Variants in DLG2 observed in about 807,000 individuals in gnomAD.
The protein encoded by DLG2 is discs large MAGUK scaffold protein 2, also known as disks large homolog 2.
In DLG2, 45 loss-of-function variants were observed where a neutral mutation model predicts 132.5. The observed-to-expected ratio is 0.34, with a 90% CI of 0.27 to 0.44. DLG2 has a LOEUF of 0.44. DLG2 is among the 20% of genes least tolerant of loss of function. The pLI is 1.00. For missense variants in DLG2, 1,045 were observed against 1,196.9 expected (o/e 0.87, Z 1.87); for synonymous variants, 424 against 419.6 (o/e 1.01, Z -0.13).
At chr11:83,910,165 C>T (rs116262501) in intron 15 of DLG2, among the ~76,000 whole-genome samples, 2,292 of 152,144 alleles carry the variant, frequency 0.015, 30 homozygotes, top group South Asian at 0.069. Flanking sequence ...GGTGTCAAAC[C>T]TGTAGGAGAA....
intron 15 of DLG2, among the ~76,000 whole-genome samples, chr11:83,909,161 A>G (rs1425143626): frequency 6.6e-6 from 1 of 152,194 alleles, no homozygotes; most frequent in Non-Finnish European, 1.5e-5. Flanking sequence ...AGGTGCTGGA[A>G]TGACAATTGG....
chr11:84,368,282 T>A (rs537963385), intron 7 of DLG2, among the ~76,000 whole-genome samples: 301 of 151,934 alleles, frequency 2.0e-3, no homozygotes, highest in Admixed American at 3.2e-3. Context: ...TTATTTTAGC[T>A]TTTTTTTCCC....
At chr11:83,998,906 G>A (rs2094189259) in intron 11 of DLG2, among the ~76,000 whole-genome samples, 1 of 152,162 alleles carries the variant, frequency 6.6e-6, no homozygotes, top group South Asian at 2.1e-4. Context: ...CAGGGCTCAG[G>A]CATGTAGTTC....
chr11:84,714,553 C>CTCTCTCTTTCTCTTTCTCTTTCTCTT (rs1391760351), intron 6 of DLG2, among the ~76,000 whole-genome samples: 1 of 109,202 alleles, frequency 9.2e-6, no homozygotes, highest in African/African-American at 5.2e-5. Flanking sequence ...TTCTCTTTCT[C>CTCTCTCTTTCTCTTTCTCTTTCTCTT]TCTCTTTCTC....
intron 7 of DLG2, among the ~76,000 whole-genome samples, chr11:84,456,320 C>A (rs1451500988): frequency 6.6e-6 from 1 of 151,186 alleles, no homozygotes; most frequent in Non-Finnish European, 1.5e-5. Flanking sequence ...TAGTTTTCAC[C>A]CTAAATAGAC....
At chr11:84,270,899 C>T (rs566579871) in intron 7 of DLG2, among the ~76,000 whole-genome samples, 3 of 152,252 alleles carry the variant, frequency 2.0e-5, no homozygotes, top group African/African-American at 7.2e-5. Flanking sequence ...ACTGATTTAA[C>T]ATAATAGACT....
intron 21 of DLG2, among the ~76,000 whole-genome samples, chr11:83,486,999 G>GA (rs1461483446): frequency 6.6e-6 from 1 of 151,670 alleles, no homozygotes; most frequent in African/African-American, 2.4e-5. Context: ...TTTTAATATA[G>GA]AAAATGAAAA....
At chr11:84,552,691 GA>G (rs1476584290) in intron 6 of DLG2, among the ~76,000 whole-genome samples, 2 of 152,128 alleles carry the variant, frequency 1.3e-5, no homozygotes, top group African/African-American at 4.8e-5. Flanking sequence ...ATGGCTGTAG[GA>G]CCTGTGCCAG....
At chr11:84,820,993 T>A (rs1271713782) in intron 6 of DLG2, among the ~76,000 whole-genome samples, 1 of 151,758 alleles carries the variant, frequency 6.6e-6, no homozygotes, top group Admixed American at 6.6e-5. Context: ...TGGCATGGAG[T>A]AGATAGACTG....
At position 83,963,150 on chromosome 11, in the gene DLG2, C is replaced by A. The variant is rs1192390969; in HGVS notation, c.1202-127G>T. On this transcript the variant is annotated intron_variant, in intron 13 of 27. Coordinates refer to ENST00000376104, the MANE Select transcript of DLG2 (RefSeq NM_001142699.3). ...TGCATGCCAAGGTTTTTCTTGTCCT[C>A]CCAGAGGGGGGAGTTGCAGCTTATT... The A allele has an allele frequency of 1.4e-5, 14 of 1,001,230 alleles. No individual in the cohort carries two copies. In the African/African-American group the frequency reaches 2.3e-4, roughly 16 times the overall value. 62.0% of individuals were successfully genotyped at this position (1,001,230 alleles called of 1,614,324 possible).
chr11:83,626,717 T>C (rs570204562), intron 19 of DLG2, among the ~76,000 whole-genome samples: 16 of 152,198 alleles, frequency 1.1e-4, no homozygotes, highest in Non-Finnish European at 2.4e-4. Flanking sequence ...ATCATGTGGT[T>C]AGGAAGACTG....
At chr11:85,196,504 T>G (rs2081079430) in intron 4 of DLG2, among the ~76,000 whole-genome samples, 1 of 152,194 alleles carries the variant, frequency 6.6e-6, no homozygotes, top group African/African-American at 2.4e-5. Flanking sequence ...CTGATTTCCA[T>G]AGTGTAAATA....
chr11:84,649,468 G>A (rs1190076160), intron 6 of DLG2, among the ~76,000 whole-genome samples: 2 of 152,176 alleles, frequency 1.3e-5, no homozygotes, highest in Admixed American at 6.5e-5. Context: ...ATAGGATGGA[G>A]AGAAACTCAT....
intron 6 of DLG2, among the ~76,000 whole-genome samples, chr11:84,775,769 G>T (rs758457851): frequency 2.0e-5 from 3 of 152,110 alleles, no homozygotes; most frequent in Non-Finnish European, 4.4e-5. Context: ...AAGGGGCAAG[G>T]TTGAAAAACT....
intron 3 of DLG2, among the ~76,000 whole-genome samples, chr11:85,353,751 C>T (rs971418160): frequency 7.9e-5 from 12 of 152,114 alleles, no homozygotes; most frequent in Admixed American, 6.6e-5. Flanking sequence ...GAAAACCAAA[C>T]ACTGCATGTT....
chr11:85,468,438 T>A (rs2092875412), intron 3 of DLG2, among the ~76,000 whole-genome samples: 1 of 152,208 alleles, frequency 6.6e-6, no homozygotes, highest in Non-Finnish European at 1.5e-5. Flanking sequence ...TGCTTTCTCT[T>A]GTGGGCATTT....
At chr11:84,191,712 A>C (rs1248452616) in intron 8 of DLG2, among the ~76,000 whole-genome samples, 1 of 152,214 alleles carries the variant, frequency 6.6e-6, no homozygotes, top group East Asian at 1.9e-4. Context: ...GGGATCCTGA[A>C]ATAGATGGCA....
At chr11:85,598,867 GTTCCTAACTTAATGACA>G (rs1368175981) in intron 2 of DLG2, 79 bp from the exon 3 acceptor site, 1 of 411,782 alleles carries the variant, frequency 2.4e-6, no homozygotes, top group African/African-American at 2.1e-5. Flanking sequence ...CTATAATTGT[GTTCCTAACTTAATGACA>G]TGAAATAACT....
At chr11:84,077,921 A>G (rs2096850998) in intron 10 of DLG2, among the ~76,000 whole-genome samples, 2 of 152,192 alleles carry the variant, frequency 1.3e-5, no homozygotes, top group Non-Finnish European at 2.9e-5. Context: ...ACACATGTAC[A>G]AATATAAATC....
Sources: gnomAD v4.1 joint callset for allele counts (sites outside exome capture counted in the v4.1 genomes callset) on GRCh38, gnomAD v4.1.1 for gene constraint, MANE v1.5 for transcripts, NCBI Gene and HGNC (gene_info 2026-07-23, HGNC 2026-07-21) for gene names.